PPP3CA: variants seen among roughly 807,000 people sequenced by gnomAD.
The protein encoded by PPP3CA is protein phosphatase 3 catalytic subunit alpha.
In PPP3CA, 14 loss-of-function variants were observed where a neutral mutation model predicts 66.5. The observed-to-expected ratio is 0.21, with a 90% confidence interval of 0.14 to 0.33. The LOEUF (loss-of-function observed/expected upper bound fraction) is 0.33. PPP3CA is among the 10% of genes least tolerant of loss of function. The pLI is 1.00. For missense variants in PPP3CA, 317 were observed against 639.5 expected, an observed-to-expected ratio of 0.50 and a Z score of 5.44; for synonymous variants, 232 against 226.2, an observed-to-expected ratio of 1.03 and a Z score of -0.23.
At position 101,223,517 on chromosome 4, in the gene PPP3CA, C is replaced by T. The variant is rs371791138; in HGVS notation, c.59-27401G>A. On this transcript the variant is annotated intron_variant, in intron 1 of 13. Transcript: ENST00000394854. ...TCCTGACTCTTAATTTAGTTCTCTT[C>T]CCCTGATTCCACAATTACATCTCCA... 1.3e-4 allele frequency among the ~76,000 whole-genome samples: 19 copies of T among 151,806 alleles called. No homozygotes were observed. In the East Asian group the frequency reaches 2.3e-3, roughly 19 times the overall value.
At chr4:101,142,000 A>T (rs1391951027) in intron 2 of PPP3CA, among the ~76,000 whole-genome samples, 1 of 152,140 alleles carries the variant, frequency 6.6e-6, no homozygotes, top group Non-Finnish European at 1.5e-5. Flanking sequence ...TGATAGGAAA[A>T]GGCACTCCAA....
At chr4:101,096,826 C>T (rs1171565046) in intron 5 of PPP3CA, among the ~76,000 whole-genome samples, 3 of 152,278 alleles carry the variant, frequency 2.0e-5, no homozygotes, top group African/African-American at 7.2e-5. Context: ...CTCCACTGAA[C>T]ACAATGGGAA....
At chr4:101,193,396 C>A (rs1724674472) in intron 2 of PPP3CA, among the ~76,000 whole-genome samples, 1 of 151,812 alleles carries the variant, frequency 6.6e-6, no homozygotes, top group Non-Finnish European at 1.5e-5. Context: ...CTTTTCTTTA[C>A]AAAATGTCTG....
At chr4:101,063,875 G>T (rs542170458) in intron 8 of PPP3CA, among the ~76,000 whole-genome samples, 1 of 151,938 alleles carries the variant, frequency 6.6e-6, no homozygotes, top group East Asian at 1.9e-4. Context: ...ATTATGGGGT[G>T]CATAGTGATG....
chr4:101,290,847 G>C (rs2110288641), intron 1 of PPP3CA, among the ~76,000 whole-genome samples: 1 of 152,284 alleles, frequency 6.6e-6, no homozygotes, highest in Non-Finnish European at 1.5e-5. Flanking sequence ...GGGCCAGACT[G>C]ACATAACCCA....
At chr4:101,307,212 A>G (rs1483299440) in intron 1 of PPP3CA, among the ~76,000 whole-genome samples, 1 of 150,828 alleles carries the variant, frequency 6.6e-6, no homozygotes, top group East Asian at 1.9e-4. Context: ...CAGTGTATTT[A>G]TACAAATGAC....
chr4:101,074,012 C>T (rs899353711), intron 8 of PPP3CA, among the ~76,000 whole-genome samples: 20 of 152,120 alleles, frequency 1.3e-4, no homozygotes, highest in African/African-American at 1.4e-4. Context: ...ACTGTTGTTA[C>T]GGGGCAAAGT....
chr4:101,346,877 A>ACACCGC lies in PPP3CA; in HGVS notation c.-82_-81insGCGGTG. 2 of 1,292,674 alleles carry ACACCGC rather than the reference A, an allele frequency of 1.5e-6. No homozygotes were observed. Among genetic ancestry groups the ACACCGC allele is most frequent in the Non-Finnish European group, 2.1e-6 (2 of 931,028 alleles). 80.1% of individuals were successfully genotyped at this position (1,292,674 alleles called of 1,614,324 possible). ...ACCGGACCGGCGGGCCAGACACTCA[A>ACACCGC]CGCCGCCGCCGCCGCCGCCGCCGCC... On this transcript the variant is annotated 5_prime_UTR_variant, in exon 1 of 14. Coordinates refer to ENST00000394854, the MANE Select transcript of PPP3CA (RefSeq NM_000944.5).
At position 101,025,820 on chromosome 4, in the gene PPP3CA, CAAAAAAAAAA is replaced by C. The variant is rs35434632; in HGVS notation, c.*35_*44del. 3.4e-4 allele frequency: 163 copies of C among 479,308 alleles called. No individual in the cohort carries two copies. The highest frequency in any genetic ancestry group is 2.8e-3 in the African/African-American group (51 of 18,382). 29.7% of individuals were successfully genotyped at this position (479,308 alleles called of 1,614,324 possible). On this transcript the variant is annotated 3_prime_UTR_variant, in exon 14 of 14. Coordinates refer to ENST00000394854, the MANE Select transcript of PPP3CA (RefSeq NM_000944.5). ...GCAATCCCCATCATGCCCCGCAGCT[CAAAAAAAAAA>C]AAAAAAAAAAAAAAAAAAAGTGAAC...
chr4:101,239,245 T>A (rs531538810), intron 1 of PPP3CA, among the ~76,000 whole-genome samples: 1 of 152,230 alleles, frequency 6.6e-6, no homozygotes, highest in Admixed American at 6.5e-5. Flanking sequence ...AAAGGCACAG[T>A]CTCACTAAAT....
At chr4:101,322,408 C>A (rs1367279898) in intron 1 of PPP3CA, among the ~76,000 whole-genome samples, 1 of 134,144 alleles carries the variant, frequency 7.5e-6, no homozygotes, top group Non-Finnish European at 1.6e-5. Flanking sequence ...CTACTGACAT[C>A]TTTTTTTTTT....
intron 2 of PPP3CA, among the ~76,000 whole-genome samples, chr4:101,124,736 A>AG (rs1491187515): frequency 5.5e-5 from 4 of 72,646 alleles, no homozygotes; most frequent in Admixed American, 1.4e-4. Flanking sequence ...AGAAAGAAAG[A>AG]AAGAAAGAAA....
intron 7 of PPP3CA, 54 bp from the exon 8 acceptor site, chr4:101,080,680 C>A: frequency 9.0e-7 from 1 of 1,107,430 alleles, no homozygotes; most frequent in South Asian, 2.1e-5. Context: ...AAGATAATAT[C>A]AAATCATAGA....
rs112559404 is a variant in PPP3CA at position 101,051,859 on chromosome 4, C to A, written c.1156+9228G>T. On this transcript the variant is annotated intron_variant, in intron 10 of 13. Coordinates refer to ENST00000394854, the MANE Select transcript of PPP3CA (RefSeq NM_000944.5). ...AAAACTAATGCTATAAAAATCATTT[C>A]TTTCAAAAGCTGTATAAAATATATA... is the stretch of plus-strand genomic sequence containing the variant. Among the ~76,000 whole-genome samples, 375 of 152,142 alleles carry A rather than the reference C, an allele frequency of 2.5e-3. 2 individuals carry two copies. Among genetic ancestry groups the A allele is most frequent in the African/African-American group, 8.4e-3 (347 of 41,528 alleles).
chr4:101,229,614 A>C (rs913440339), intron 1 of PPP3CA, among the ~76,000 whole-genome samples: 1 of 151,428 alleles, frequency 6.6e-6, no homozygotes, highest in African/African-American at 2.4e-5. Context: ...GCAGTATGGT[A>C]TTGGGTGAAA....
chr4:101,176,361 A>G (rs755270970), intron 2 of PPP3CA, among the ~76,000 whole-genome samples: 11 of 152,224 alleles, frequency 7.2e-5, no homozygotes, highest in Non-Finnish European at 1.0e-4. Flanking sequence ...AAGTAAAGTC[A>G]TCACCTTCTC....
intron 2 of PPP3CA, among the ~76,000 whole-genome samples, chr4:101,161,949 A>C (rs899168849): frequency 6.6e-6 from 1 of 152,178 alleles, no homozygotes; most frequent in African/African-American, 2.4e-5. Context: ...GGTTAAAAAA[A>C]GTGAAATAGG....
At chr4:101,301,036 C>T (rs1230772378) in intron 1 of PPP3CA, among the ~76,000 whole-genome samples, 2 of 151,932 alleles carry the variant, frequency 1.3e-5, no homozygotes, top group African/African-American at 2.4e-5. Context: ...TAAATCATTC[C>T]AAACATCCTT....
intron 10 of PPP3CA, among the ~76,000 whole-genome samples, chr4:101,059,847 G>A (rs962486905): frequency 2.0e-4 from 30 of 152,046 alleles, no homozygotes; most frequent in Admixed American, 9.2e-4. Flanking sequence ...AATGCATCTT[G>A]TAGCCCTGGG....
Sources: gnomAD v4.1 joint callset for allele counts (sites outside exome capture counted in the v4.1 genomes callset) on GRCh38, gnomAD v4.1.1 for gene constraint, MANE v1.5 for transcripts, NCBI Gene and HGNC (gene_info 2026-07-23, HGNC 2026-07-21) for gene names.